Variants in KAZN observed in about 807,000 individuals in gnomAD.
KAZN encodes the protein kazrin, periplakin interacting protein.
Under a neutral mutation model 87.4 loss-of-function variants are expected in KAZN, and 40 were observed. The ratio of observed to expected loss-of-function variants is 0.46; its 90% confidence interval spans 0.36 to 0.60. KAZN has a LOEUF of 0.60. KAZN is among the 20% of genes least tolerant of loss of function. KAZN has a pLI of 0.00. For synonymous variants in KAZN, 466 were observed against 458.3 expected, an observed-to-expected ratio of 1.02 and a Z score of -0.22; for missense variants, 898 against 1,073.9, an observed-to-expected ratio of 0.84 and a Z score of 2.29.
rs949621482 is a variant in KAZN, at chr1:13,994,918, T to A, written c.91+101162T>A. Among the ~76,000 whole-genome samples, 22 of 151,652 alleles carry A rather than the reference T, an allele frequency of 1.5e-4. 1 individual carries two copies. Among genetic ancestry groups the A allele is most frequent in the Admixed American group, 1.2e-3 (19 of 15,222 alleles). On this transcript the variant is annotated intron_variant, in intron 1 of 16. Transcript: ENST00000636203. Reference sequence around the variant, plus strand: ...AACAAACCTTGAAAGTAATTGAGGTTGGAGAGTAGAAAGCAAGGAGCACCA... The same window carrying A: ...AACAAACCTTGAAAGTAATTGAGGTAGGAGAGTAGAAAGCAAGGAGCACCA...
intron 2 of KAZN, among the ~76,000 whole-genome samples, chr1:14,443,433 C>T (rs1171201042): frequency 6.6e-6 from 1 of 152,208 alleles, no homozygotes. Context: ...TGGAGCTTTG[C>T]TCCAGTAATG....
chr1:14,403,320 C>T (rs1387054286), intron 2 of KAZN, among the ~76,000 whole-genome samples: 2 of 151,936 alleles, frequency 1.3e-5, no homozygotes, highest in Non-Finnish European at 2.9e-5. Flanking sequence ...AAAAAGAAAA[C>T]TTTAAATCTA....
intron 2 of KAZN, among the ~76,000 whole-genome samples, chr1:14,961,378 G>A (rs1257288437): frequency 6.6e-6 from 1 of 152,138 alleles, no homozygotes; most frequent in Non-Finnish European, 1.5e-5. Context: ...TTGAAGACAA[G>A]GACCACAGAC....
At chr1:14,063,365 C>T (rs561477314) in intron 1 of KAZN, among the ~76,000 whole-genome samples, 16 of 152,248 alleles carry the variant, frequency 1.1e-4, no homozygotes, top group African/African-American at 2.6e-4. Context: ...TAACTACCTT[C>T]CTAGCTAGCT....
chr1:13,974,496 G>A (rs1037769418), intron 1 of KAZN, among the ~76,000 whole-genome samples: 3 of 152,310 alleles, frequency 2.0e-5, no homozygotes, highest in Admixed American at 6.5e-5. Flanking sequence ...CATCATCCTG[G>A]ATTATCTGGG....
At chr1:14,362,812 G>C (rs1047980472) in intron 2 of KAZN, among the ~76,000 whole-genome samples, 12 of 152,122 alleles carry the variant, frequency 7.9e-5, no homozygotes, top group Non-Finnish European at 1.8e-4. Context: ...AGACCTATTT[G>C]ACTCCAAGGG....
intron 3 of KAZN, among the ~76,000 whole-genome samples, chr1:15,036,765 C>G (rs1041593156): frequency 6.6e-6 from 1 of 152,176 alleles, no homozygotes; most frequent in Non-Finnish European, 1.5e-5. Context: ...CACGTGTGTG[C>G]TCACAGGGGC....
In KAZN at chr1:14,079,595, C is replaced by T. The variant is rs774236021; in HGVS notation, c.92-100840C>T. On this transcript the variant is annotated intron_variant, in intron 1 of 16. Transcript: ENST00000636203. ...GTAAATGGAAATACCAGTACTAAAACCAGAATGCTAGAAACGGAATGATGT... is the reference window on the plus strand; with the variant it reads ...GTAAATGGAAATACCAGTACTAAAATCAGAATGCTAGAAACGGAATGATGT... Among the ~76,000 whole-genome samples the T allele has an allele frequency of 1.9e-4, 29 of 152,312 alleles. No homozygotes were observed. The East Asian group carries it at 3.1e-3, about 16-fold the overall frequency.
rs12096311 is a variant in KAZN, at chr1:15,044,244, C to T, written c.726+85C>T. On this transcript the variant is annotated intron_variant, in intron 4 of 14. Coordinates refer to ENST00000376030, the MANE Select transcript of KAZN (RefSeq NM_201628.3). ...CGGGACGTCTGGCACCGACTCACATCGGAGACCTAGGGTGGGGTGGGTGGG... is the reference window on the plus strand; with the variant it reads ...CGGGACGTCTGGCACCGACTCACATTGGAGACCTAGGGTGGGGTGGGTGGG... 1,006 of 427,068 alleles carry T rather than the reference C, an allele frequency of 2.4e-3. 2 individuals are homozygous for T. Among genetic ancestry groups the T allele is most frequent in the African/African-American group, 0.02 (862 of 43,076 alleles). The allele number at this position is 427,068 out of a possible 1,614,324, so 26.5% of individuals were successfully genotyped here.
chr1:14,488,685 G>A (rs1388513400), intron 2 of KAZN, among the ~76,000 whole-genome samples: 2 of 152,120 alleles, frequency 1.3e-5, no homozygotes, highest in African/African-American at 4.8e-5. Flanking sequence ...ACAAAATGCT[G>A]TCCCTGAAAG....
At chr1:14,249,102 A>G (rs988227640) in intron 2 of KAZN, among the ~76,000 whole-genome samples, 1 of 152,234 alleles carries the variant, frequency 6.6e-6, no homozygotes, top group South Asian at 2.1e-4. Context: ...AGCCCCTGAC[A>G]TAATGAAGCA....
chr1:14,213,334 G>T (rs1219249403), intron 2 of KAZN, among the ~76,000 whole-genome samples: 1 of 152,070 alleles, frequency 6.6e-6, no homozygotes, highest in East Asian at 1.9e-4. Flanking sequence ...ATCCCCTCCG[G>T]CCTAAATAGG....
In KAZN at chr1:14,985,245, T is replaced by C. The variant is rs116645359; in HGVS notation, c.418+24370T>C. 3.2e-3 allele frequency among the ~76,000 whole-genome samples: 458 copies of C among 142,450 alleles called. 6 individuals are homozygous for C. Among genetic ancestry groups the C allele is most frequent in the African/African-American group, 0.012 (436 of 36,542 alleles). 93.5% of individuals were successfully genotyped at this position (142,450 alleles called of 152,430 possible). On this transcript the variant is annotated intron_variant, in intron 2 of 14. Coordinates refer to ENST00000376030, the MANE Select transcript of KAZN (RefSeq NM_201628.3). ...GCTCACGCCTATAATCCCAGAACTTTGGTGGGAGGCCAAGGTGGGAGGCCA... is the reference window on the plus strand; with the variant it reads ...GCTCACGCCTATAATCCCAGAACTTCGGTGGGAGGCCAAGGTGGGAGGCCA...
chr1:14,423,850 A>G (rs1665566597), intron 2 of KAZN, among the ~76,000 whole-genome samples: 1 of 152,216 alleles, frequency 6.6e-6, no homozygotes, highest in Non-Finnish European at 1.5e-5. Context: ...CTGAGAAGGC[A>G]GTCACTAGAG....
intron 2 of KAZN, among the ~76,000 whole-genome samples, chr1:14,444,083 T>C (rs1186360285): frequency 6.6e-6 from 1 of 152,138 alleles, no homozygotes; most frequent in Non-Finnish European, 1.5e-5. Flanking sequence ...TGGATTATAA[T>C]AGTAGAGTTT....
intron 1 of KAZN, among the ~76,000 whole-genome samples, chr1:14,746,150 G>A (rs534310480): frequency 1.3e-5 from 2 of 152,248 alleles, no homozygotes; most frequent in Admixed American, 6.5e-5. Flanking sequence ...TTCGTGATGG[G>A]CATGTGTTCT....
intron 1 of KAZN, among the ~76,000 whole-genome samples, chr1:14,916,965 T>C (rs868123383): frequency 4.0e-5 from 6 of 151,700 alleles, no homozygotes; most frequent in African/African-American, 4.8e-5. Context: ...AAGCAGGGCA[T>C]GAAGGCAGCT....
At chr1:13,903,479 C>T (rs938407788) in intron 1 of KAZN, among the ~76,000 whole-genome samples, 3 of 152,170 alleles carry the variant, frequency 2.0e-5, no homozygotes, top group East Asian at 1.9e-4. Context: ...GACTCAGCCT[C>T]GGACCCCAAA....
intron 1 of KAZN, among the ~76,000 whole-genome samples, chr1:14,116,599 T>C (rs1037223604): frequency 6.6e-6 from 1 of 152,170 alleles, no homozygotes; most frequent in Admixed American, 6.5e-5. Context: ...GCTAGGGCAG[T>C]GCAGAAGGGA....
Sources: allele counts gnomAD v4.1 joint callset (sites outside exome capture counted in the v4.1 genomes callset), GRCh38; gene constraint gnomAD v4.1.1; transcripts MANE v1.5; gene names NCBI Gene and HGNC (gene_info 2026-07-23, HGNC 2026-07-21).